The following CCDC85A variants were observed in gnomAD, a reference collection of about 807,000 sequenced individuals.
The protein encoded by CCDC85A is coiled-coil domain-containing protein 85A.
Under a neutral mutation model 50.2 loss-of-function variants are expected in CCDC85A, and 38 were observed. The ratio of observed to expected loss-of-function variants is 0.76; its 90% CI spans 0.58 to 0.99. The LOEUF (loss-of-function observed/expected upper bound fraction) is 0.99, where lower values mean the gene tolerates loss of function less well. CCDC85A is among the 50% of genes least tolerant of loss of function. The probability of loss-of-function intolerance (pLI) is 0.00; values close to 1 mark genes in which losing one functional copy is unlikely to be tolerated. For missense variants in CCDC85A, 820 were observed against 742.0 expected (o/e 1.11, Z -1.22); for synonymous variants, 366 against 301.4 (o/e 1.21, Z -2.22).
intron 2 of CCDC85A, among the ~76,000 whole-genome samples, chr2:56,284,867 A>G (rs13403867): frequency 0.2 from 30,627 of 152,150 alleles, 4,213 homozygotes; most frequent in African/African-American, 0.39. Context: ...ATTATCTACA[A>G]TAATAATCCT....
intron 2 of CCDC85A, among the ~76,000 whole-genome samples, chr2:56,196,890 A>C (rs912934398): frequency 6.6e-6 from 1 of 151,988 alleles, no homozygotes; most frequent in African/African-American, 2.4e-5. Flanking sequence ...TCTTCAAAAA[A>C]AAAAAAAAAA....
intron 2 of CCDC85A, among the ~76,000 whole-genome samples, chr2:56,263,873 C>T (rs1456008448): frequency 6.6e-6 from 1 of 152,190 alleles, no homozygotes; most frequent in African/African-American, 2.4e-5. Context: ...TGGCCTTCTT[C>T]CTTGTTCTAT....
chr2:56,362,708 A>G (rs908706746), intron 3 of CCDC85A, among the ~76,000 whole-genome samples: 1 of 152,046 alleles, frequency 6.6e-6, no homozygotes. Context: ...AACCTCTGCA[A>G]CCTGGGTTCA....
chr2:56,340,095 G>T (rs1674281711), intron 2 of CCDC85A, among the ~76,000 whole-genome samples: 1 of 152,134 alleles, frequency 6.6e-6, no homozygotes, highest in Admixed American at 6.5e-5. Flanking sequence ...TCAGTGATGG[G>T]GGCTTTCTGC....
intron 2 of CCDC85A, among the ~76,000 whole-genome samples, chr2:56,242,219 T>G (rs1669293862): frequency 6.6e-6 from 1 of 152,204 alleles, no homozygotes; most frequent in Admixed American, 6.5e-5. Context: ...CCTTATATAG[T>G]CTTGTTTTTA....
intron 2 of CCDC85A, among the ~76,000 whole-genome samples, chr2:56,258,451 C>T (rs1289661001): frequency 6.6e-6 from 1 of 152,212 alleles, no homozygotes; most frequent in African/African-American, 2.4e-5. Context: ...CACCACCCCT[C>T]GTCAGACTTC....
At chr2:56,194,414 G>T (rs1461246821) in intron 2 of CCDC85A, among the ~76,000 whole-genome samples, 1 of 152,186 alleles carries the variant, frequency 6.6e-6, no homozygotes, top group East Asian at 1.9e-4. Context: ...GGTTGAGTTG[G>T]ATCTAAAACG....
At chr2:56,374,557 C>G (rs759645840) in intron 4 of CCDC85A, among the ~76,000 whole-genome samples, 1 of 152,110 alleles carries the variant, frequency 6.6e-6, no homozygotes, top group South Asian at 2.1e-4. Flanking sequence ...GCCTGTAATC[C>G]TAGCACTTTG....
chr2:56,319,750 C>A (rs938177283), intron 2 of CCDC85A, among the ~76,000 whole-genome samples: 2 of 152,030 alleles, frequency 1.3e-5, no homozygotes, highest in African/African-American at 4.8e-5. Context: ...GCTTCACAGA[C>A]CAGGACCCTG....
chr2:56,375,260 TTC>T (rs1477505468), intron 4 of CCDC85A, among the ~76,000 whole-genome samples: 1 of 152,238 alleles, frequency 6.6e-6, no homozygotes, highest in East Asian at 1.9e-4. Context: ...TTTATATCTA[TTC>T]TGTTTTTCAT....
At chr2:56,294,757 CA>C (rs747836243) in intron 2 of CCDC85A, among the ~76,000 whole-genome samples, 2 of 152,156 alleles carry the variant, frequency 1.3e-5, no homozygotes, top group Non-Finnish European at 2.9e-5. Context: ...TGCTGGATTG[CA>C]GAGGAGAACT....
chr2:56,329,943 CTGTTT>C lies in CCDC85A; in HGVS notation c.1241-12934_1241-12930del, dbSNP rs1239533548. On this transcript the variant is annotated intron_variant, in intron 2 of 5. Coordinates refer to ENST00000407595, the MANE Select transcript of CCDC85A (RefSeq NM_001080433.2). ...TGAAAATTTGTTTTTTACAGATTTC[CTGTTT>C]TTTTTTTTTTTTTTTTTTTTTTTTT... is the stretch of plus-strand genomic sequence containing the variant. Among the ~76,000 whole-genome samples the C allele has an allele frequency of 3.5e-4, 8 of 22,896 alleles. No individual in the cohort carries two copies. The East Asian group carries it at 6.7e-3, about 19-fold the overall frequency. 15.0% of individuals were successfully genotyped at this position (22,896 alleles called of 152,430 possible).
intron 2 of CCDC85A, among the ~76,000 whole-genome samples, chr2:56,257,642 T>C (rs1670039460): frequency 4.6e-5 from 7 of 152,116 alleles, no homozygotes; most frequent in Admixed American, 4.6e-4. Flanking sequence ...TGACACTCTT[T>C]TGAGTGGAGG....
intron 2 of CCDC85A, among the ~76,000 whole-genome samples, chr2:56,205,121 A>G (rs574445209): frequency 3.9e-5 from 6 of 152,260 alleles, no homozygotes; most frequent in African/African-American, 1.4e-4. Flanking sequence ...AAAAGAGAGA[A>G]GGATTTCCCT....
At position 56,385,639 on chromosome 2, in the gene CCDC85A, T is replaced by A. The variant is rs1215616705; in HGVS notation, c.*1284T>A. 6.6e-6 allele frequency: 1 copy of A among 152,194 alleles called. No individual in the cohort carries two copies. Among genetic ancestry groups the A allele is most frequent in the East Asian group, 1.9e-4 (1 of 5,162 alleles). The allele number at this position is 152,194 out of a possible 1,614,324, so 9.4% of individuals were successfully genotyped here. A position where few individuals can be genotyped will look rare whatever the true frequency, so the allele number is the denominator to read the frequency against. On this transcript the variant is annotated 3_prime_UTR_variant, in exon 6 of 6. Transcript: ENST00000407595. ...AGTTTTTGGATAGGTTCTAAATTTCTGAGATTTGATTCATGGCAGATATTC... is the reference window on the plus strand; with the variant it reads ...AGTTTTTGGATAGGTTCTAAATTTCAGAGATTTGATTCATGGCAGATATTC...
At position 56,202,819 on chromosome 2, in the gene CCDC85A, C is replaced by G. The variant is rs77016904; in HGVS notation, c.1240+9379C>G. Among the ~76,000 whole-genome samples, 442 of 152,324 alleles carry G rather than the reference C, an allele frequency of 2.9e-3. 3 individuals are homozygous for G. The highest frequency in any genetic ancestry group is 4.1e-3 in the Non-Finnish European group (277 of 68,022). ...TTAACCAAGCTCATTAATTCAGCAT[C>G]TCTTCTGTTTCCCTAGACAGCAAAT... On this transcript the variant is annotated intron_variant, in intron 2 of 5. Transcript: ENST00000407595.
At chr2:56,286,943 G>T (rs1176752677) in intron 2 of CCDC85A, among the ~76,000 whole-genome samples, 1 of 152,260 alleles carries the variant, frequency 6.6e-6, no homozygotes, top group Non-Finnish European at 1.5e-5. Flanking sequence ...TCTATTTTAG[G>T]TTTTATCCTT....
intron 3 of CCDC85A, among the ~76,000 whole-genome samples, chr2:56,344,945 CACA>C (rs1674562747): frequency 6.6e-6 from 1 of 151,034 alleles, no homozygotes; most frequent in South Asian, 2.1e-4. Context: ...AAAAAAGAGG[CACA>C]ACAAATGTGA....
At chr2:56,201,466 T>C (rs1171948872) in intron 2 of CCDC85A, among the ~76,000 whole-genome samples, 1 of 152,138 alleles carries the variant, frequency 6.6e-6, no homozygotes, top group Non-Finnish European at 1.5e-5. Flanking sequence ...TGCCTTCTGG[T>C]CTTGATTATA....
Sources: allele counts gnomAD v4.1 joint callset (sites outside exome capture counted in the v4.1 genomes callset), GRCh38; gene constraint gnomAD v4.1.1; transcripts MANE v1.5; gene names NCBI Gene and HGNC (gene_info 2026-07-23, HGNC 2026-07-21).